Variants in KANK1 observed in about 807,000 individuals in gnomAD.
The protein encoded by KANK1 is KN motif and ankyrin repeat domain-containing protein 1.
Under a neutral mutation model 106.2 loss-of-function variants are expected in KANK1, and 109 were observed. The observed-to-expected ratio is 1.03, with a 90% confidence interval of 0.88 to 1.20. The LOEUF is 1.20. KANK1 is among the 50% of genes most tolerant of loss of function. The pLI is 0.00. For missense variants in KANK1, 2,399 were observed against 1,710.7 expected (o/e 1.40, Z -7.10); for synonymous variants, 873 against 652.2 (o/e 1.34, Z -5.16).
At chr9:643,049 T>C (rs1182482438) in intron 1 of KANK1, among the ~76,000 whole-genome samples, 1 of 150,802 alleles carries the variant, frequency 6.6e-6, no homozygotes, top group Non-Finnish European at 1.5e-5. Context: ...TGGAAACATA[T>C]AAAAATAGCA....
intron 2 of KANK1, chr9:706,997 G>GT: frequency 1.0e-6 from 1 of 985,464 alleles, no homozygotes; most frequent in Non-Finnish European, 1.2e-6. Flanking sequence ...CCGGTTTCCT[G>GT]TTTTCATTAA....
At chr9:668,857 C>T (rs1375702085) in intron 1 of KANK1, among the ~76,000 whole-genome samples, 1 of 152,084 alleles carries the variant, frequency 6.6e-6, no homozygotes, top group Non-Finnish European at 1.5e-5. Flanking sequence ...ATTAGATCCT[C>T]ATAAGGAACG....
intron 3 of KANK1, among the ~76,000 whole-genome samples, chr9:486,582 A>G (rs1177761567): frequency 6.6e-6 from 1 of 152,188 alleles, no homozygotes. Context: ...ATTTGGATGC[A>G]GGCACACTGG....
At chr9:546,797 G>C (rs555648175) in intron 1 of KANK1, among the ~76,000 whole-genome samples, 2 of 151,916 alleles carry the variant, frequency 1.3e-5, no homozygotes, top group African/African-American at 4.8e-5. Flanking sequence ...AACCAAGTAC[G>C]GGCTAATCTA....
chr9:742,188 G>A lies in KANK1; in HGVS notation c.3697-17G>A. On this transcript the variant is annotated splice_polypyrimidine_tract_variant and intron_variant, in intron 9 of 11. Transcript: ENST00000382297. ...CTCAGTACGTACTTCTGAAGTCCTT[G>A]TCATCTCTTCCCATAGGCGGGACAG... 3 of 1,612,976 alleles carry A rather than the reference G, an allele frequency of 1.9e-6. No individual in the cohort carries two copies. Among genetic ancestry groups the A allele is most frequent in the Non-Finnish European group, 2.5e-6 (3 of 1,179,160 alleles).
chr9:534,919 G>C (rs922024494), intron 1 of KANK1, among the ~76,000 whole-genome samples: 1 of 152,238 alleles, frequency 6.6e-6, no homozygotes, highest in Non-Finnish European at 1.5e-5. Context: ...CATGGATGGA[G>C]ATGGGTGGAG....
At position 712,561 on chromosome 9, in the gene KANK1, G is replaced by A. The variant is rs368516861; in HGVS notation, c.1795G>A (p.Val599Ile). ...CAAGAGTGTGAGTGTGGAAGTCAGC[G>A]TCTGCGAAACAGGCAGCAACACAGA... ...CDKSVSVEVS[V>I]CETGSNTEES... The change falls in exon 3 of 12, where the codon GTC becomes ATC. Residue 599 changes from valine to isoleucine, a missense_variant. By Grantham distance (29) the Val-to-Ile change is conservative (BLOSUM62 3). Transcript: ENST00000382297. 1.7e-5 allele frequency: 28 copies of A among 1,614,052 alleles called. No homozygotes were observed. Among genetic ancestry groups the A allele is most frequent in the African/African-American group, 9.3e-5 (7 of 74,910 alleles).
At chr9:731,486 C>A (rs527571229) in intron 5 of KANK1, 2 of 392,050 alleles carry the variant, frequency 5.1e-6, no homozygotes, top group South Asian at 6.1e-5. Flanking sequence ...TGAAGCTGAG[C>A]GGTTTACATC....
In KANK1 at chr9:712,599, C is replaced by G. The variant is rs11789987; in HGVS notation, c.1833C>G (p.Asn611Lys). 1.2e-6 allele frequency: 2 copies of G among 1,613,810 alleles called. No homozygotes were observed. The highest frequency in any genetic ancestry group is 1.7e-6 in the Non-Finnish European group (2 of 1,179,934). The stretch of plus-strand genomic sequence containing the variant: ...GCAGCAACACAGAGGAGTCTGTGAA[C>G]GACCTCACACTCCTCAAGACAAACT... ...ETGSNTEESV[N>K]DLTLLKTNLN... The change falls in exon 3 of 12, where the codon AAC (asparagine) becomes AAG (lysine). Residue 611 changes from asparagine (N) to lysine (K), a missense_variant. Transcript: ENST00000382297.
chr9:621,835 A>G (rs1406499078), intron 1 of KANK1, among the ~76,000 whole-genome samples: 1 of 152,002 alleles, frequency 6.6e-6, no homozygotes, highest in Non-Finnish European at 1.5e-5. Flanking sequence ...TAGACTTCAC[A>G]TGTGAACTTT....
chr9:726,699 C>T (rs1162222541), intron 3 of KANK1, among the ~76,000 whole-genome samples: 1 of 152,266 alleles, frequency 6.6e-6, no homozygotes, highest in African/African-American at 2.4e-5. Context: ...GTGGCTCATG[C>T]CTATAATCCC....
intron 3 of KANK1, among the ~76,000 whole-genome samples, chr9:713,941 ATAAT>A (rs1417315018): frequency 6.6e-6 from 1 of 152,174 alleles, no homozygotes; most frequent in Non-Finnish European, 1.5e-5. Flanking sequence ...AATTCAGCAA[ATAAT>A]TATTGAATTT....
intron 1 of KANK1, among the ~76,000 whole-genome samples, chr9:539,813 TG>T: frequency 6.6e-6 from 1 of 152,326 alleles, no homozygotes; most frequent in Non-Finnish European, 1.5e-5. Flanking sequence ...CTATTGTAAA[TG>T]AAATCATTTT....
intron 1 of KANK1, among the ~76,000 whole-genome samples, chr9:541,976 C>G (rs2060630003): frequency 6.6e-6 from 1 of 151,060 alleles, no homozygotes; most frequent in Non-Finnish European, 1.5e-5. Context: ...GTAGTCCCAG[C>G]TACTCGGGAG....
At position 723,921 on chromosome 9, in the gene KANK1, A is replaced by G. The variant is rs1487347858; in HGVS notation, c.2699-6130A>G. Among the ~76,000 whole-genome samples the G allele has an allele frequency of 3.5e-5, 5 of 142,232 alleles. No homozygotes were observed. The East Asian group carries it at 1.0e-3, about 28-fold the overall frequency. The allele number at this position is 142,232 out of a possible 152,430, so 93.3% of individuals were successfully genotyped here. A position where few individuals can be genotyped will look rare whatever the true frequency, so the allele number is the denominator to read the frequency against. ...TAGCCTGGGCAACATAGTGAAACCC[A>G]TCTCTATTAAAAATACGAAAAAAAA... On this transcript the variant is annotated intron_variant, in intron 3 of 11. Coordinates refer to ENST00000382297, the MANE Select transcript of KANK1 (RefSeq NM_015158.5).
intron 1 of KANK1, among the ~76,000 whole-genome samples, chr9:602,990 A>C (rs989793100): frequency 6.6e-6 from 1 of 151,870 alleles, no homozygotes; most frequent in African/African-American, 2.4e-5. Flanking sequence ...ATATTTATCC[A>C]CAGTGATAAT....
intron 1 of KANK1, among the ~76,000 whole-genome samples, chr9:552,878 C>A (rs2061363885): frequency 1.3e-5 from 2 of 152,206 alleles, no homozygotes; most frequent in African/African-American, 4.8e-5. Flanking sequence ...GCCGCAGTGG[C>A]TCACGCCTGT....
intron 1 of KANK1, among the ~76,000 whole-genome samples, chr9:612,357 G>T (rs10115504): frequency 0.36 from 54,132 of 151,990 alleles, 11,777 homozygotes; most frequent in South Asian, 0.57. Flanking sequence ...CTCTGACTGG[G>T]TGTCATTATC....
intron 2 of KANK1, among the ~76,000 whole-genome samples, chr9:683,730 T>A (rs1001845329): frequency 6.6e-6 from 1 of 152,218 alleles, no homozygotes; most frequent in South Asian, 2.1e-4. Flanking sequence ...TTTCTTAGTA[T>A]GGATTATTTC....
Sources: allele counts gnomAD v4.1 joint callset (sites outside exome capture counted in the v4.1 genomes callset), GRCh38; gene constraint gnomAD v4.1.1; transcripts MANE v1.5; gene names NCBI Gene and HGNC (gene_info 2026-07-23, HGNC 2026-07-21).